Variants in ZNF728 observed in about 807,000 individuals in gnomAD.
ZNF728 encodes zinc finger protein 728.
ZNF728 carries 12 observed loss-of-function variants against 12.5 expected under a neutral mutation model. That is an observed-to-expected ratio of 0.96 (90% CI 0.61 to 1.55). The LOEUF (loss-of-function observed/expected upper bound fraction) is 1.55, where lower values mean the gene tolerates loss of function less well. Among genes scored for constraint, ZNF728 ranks in the 40% most tolerant of loss-of-function variants. The pLI is 0.00. For missense variants in ZNF728, 692 were observed against 719.2 expected, an observed-to-expected ratio of 0.96 and a Z score of 0.43; for synonymous variants, 205 against 240.7, an observed-to-expected ratio of 0.85 and a Z score of 1.37.
In ZNF728 at chr19:22,988,312, A is replaced by C. The variant is rs1968941321; in HGVS notation, c.130+13T>G. Reference sequence around the variant, plus strand: ...AGTGTATACTAGGAATTGCGTATTAAAGTTATTCTCACCCAGGAAGACCAG... The same window carrying C: ...AGTGTATACTAGGAATTGCGTATTACAGTTATTCTCACCCAGGAAGACCAG... On this transcript the variant is annotated intron_variant, in intron 2 of 3. Transcript: ENST00000594710. The C allele has an allele frequency of 3.7e-6, 6 of 1,613,980 alleles. No homozygotes were observed. Among genetic ancestry groups the C allele is most frequent in the Non-Finnish European group, 3.4e-6 (4 of 1,180,002 alleles).
intron 3 of ZNF728, among the ~76,000 whole-genome samples, chr19:22,980,205 A>C (rs527677451): frequency 6.8e-5 from 6 of 88,234 alleles, no homozygotes; most frequent in East Asian, 3.0e-4. Context: ...AAAGAAACAA[A>C]AAAAAAAAAA....
chr19:22,995,702 C>A (rs1969042652), intron 1 of ZNF728: 3 of 152,172 alleles, frequency 2.0e-5, no homozygotes, highest in Admixed American at 6.5e-5. Flanking sequence ...CTCCCAAAAT[C>A]CTGGGATTAG....
intron 1 of ZNF728, among the ~76,000 whole-genome samples, chr19:23,000,792 C>T (rs186175840): frequency 2.8e-5 from 4 of 142,734 alleles, no homozygotes; most frequent in East Asian, 4.4e-4. Flanking sequence ...CACTTGAACT[C>T]GTGATGCAGA....
At position 23,003,068 on chromosome 19, in the gene ZNF728, A is replaced by C. The variant is rs1599536474; in HGVS notation, c.-38T>G. On this transcript the variant is annotated 5_prime_UTR_variant, in exon 1 of 4. Coordinates refer to ENST00000594710, the MANE Select transcript of ZNF728 (RefSeq NM_001267716.2). ...GGGGGTCCTGGCGACTTAGTTGTGA[A>C]TCTCCCAATACCTGCAGGTCACAGG... The C allele has an allele frequency of 2.0e-5, 31 of 1,572,702 alleles. No homozygotes were observed. In the East Asian group the frequency reaches 7.3e-4, roughly 37 times the overall value.
Position 22,976,542 on chromosome 19 carries a change from G to A in ZNF728, c.795C>T (p.Phe265=). 1 of 1,611,614 alleles carries A rather than the reference G, an allele frequency of 6.2e-7. No homozygotes were observed. The highest frequency in any genetic ancestry group is 1.7e-4 in the Middle Eastern group (1 of 6,056). Reference sequence around the variant, plus strand: ...GTTCAATAAGGCTTGAGGACCGGGTGAAGGCTTTGCCACATTCTTCACATT... The same window carrying A: ...GTTCAATAAGGCTTGAGGACCGGGTAAAGGCTTTGCCACATTCTTCACATT... The part of the protein sequence containing the change: ...HYKCEECGKA[F]TRSSSLIEHK... Residue 265 remains phenylalanine (F), a synonymous_variant, in exon 4 of 4, where the codon TTC becomes TTT. Transcript: ENST00000594710.
chr19:22,988,450 C>T lies in ZNF728; in HGVS notation c.5G>A (p.Gly2Glu), dbSNP rs369142612. The change falls in exon 2 of 4, where the codon GGA becomes GAA. Residue 2 changes from glycine to glutamate, a missense_variant and splice_region_variant. By Grantham distance (98) the Gly-to-Glu change is moderately conservative. Coordinates refer to ENST00000594710, the MANE Select transcript of ZNF728 (RefSeq NM_001267716.2). M[G>E]SLTFRDVAIQ... ...GGCCACATCCCGAAATGTCAACGAT[C>T]CCTGGAAAACACACACAAACACACA... is the stretch of plus-strand genomic sequence containing the variant. 6 of 1,613,680 alleles carry T rather than the reference C, an allele frequency of 3.7e-6. No individual in the cohort carries two copies. Among genetic ancestry groups the T allele is most frequent in the South Asian group, 2.2e-5 (2 of 91,050 alleles).
At chr19:22,991,686 G>T (rs1371518605) in intron 1 of ZNF728, among the ~76,000 whole-genome samples, 1 of 152,154 alleles carries the variant, frequency 6.6e-6, no homozygotes, top group African/African-American at 2.4e-5. Context: ...AAGGCAACAG[G>T]ATTCATGACT....
At chr19:22,986,444 TTA>T (rs1968918114) in intron 3 of ZNF728, among the ~76,000 whole-genome samples, 1 of 152,106 alleles carries the variant, frequency 6.6e-6, no homozygotes, top group Non-Finnish European at 1.5e-5. Context: ...AACATATAAG[TTA>T]TGATTCCATA....
chr19:22,981,695 T>A (rs1414366946), intron 3 of ZNF728, among the ~76,000 whole-genome samples: 1 of 152,206 alleles, frequency 6.6e-6, no homozygotes, highest in Non-Finnish European at 1.5e-5. Context: ...CAAGTTGGCT[T>A]CATCCCTGGG....
At chr19:22,989,705 G>A (rs564402127) in intron 1 of ZNF728, among the ~76,000 whole-genome samples, 1 of 152,166 alleles carries the variant, frequency 6.6e-6, no homozygotes, top group South Asian at 2.1e-4. Context: ...GAAAGTTCAA[G>A]ATACAGATAT....
chr19:22,989,479 T>C (rs1171619192), intron 1 of ZNF728, among the ~76,000 whole-genome samples: 1 of 152,150 alleles, frequency 6.6e-6, no homozygotes, highest in Admixed American at 6.5e-5. Flanking sequence ...ATCAGCTGCA[T>C]AAAGATACTT....
intron 3 of ZNF728, among the ~76,000 whole-genome samples, chr19:22,980,541 T>A (rs289313): frequency 0.31 from 46,520 of 152,028 alleles, 9,228 homozygotes; most frequent in African/African-American, 0.57. Context: ...CTAACAGACA[T>A]CTACAGAACT....
rs572644446 is a variant in ZNF728, at chr19:22,993,436, T to G, written c.4-4985A>C. On this transcript the variant is annotated intron_variant, in intron 1 of 3. Coordinates refer to ENST00000594710, the MANE Select transcript of ZNF728 (RefSeq NM_001267716.2). ...AAAGGAGAGATTCCCTCATAGAGGC[T>G]GCTCTAGAACATTCTAAATAATATT... Among the ~76,000 whole-genome samples the G allele has an allele frequency of 2.0e-5, 3 of 152,356 alleles. No individual in the cohort carries two copies. In the South Asian group the frequency reaches 6.2e-4, roughly 32 times the overall value.
chr19:22,987,055 C>T (rs1468073677), intron 3 of ZNF728, among the ~76,000 whole-genome samples: 1 of 152,046 alleles, frequency 6.6e-6, no homozygotes, highest in Non-Finnish European at 1.5e-5. Flanking sequence ...CTCTTGTATG[C>T]CATGAACAGT....
intron 1 of ZNF728, among the ~76,000 whole-genome samples, chr19:22,991,586 TA>T (rs1459917351): frequency 6.6e-6 from 1 of 152,202 alleles, no homozygotes; most frequent in Non-Finnish European, 1.5e-5. Flanking sequence ...CTGGTTTTAA[TA>T]AAAAATTTGA....
At chr19:22,987,204 A>G in intron 3 of ZNF728, 104 bp downstream of exon 3, 1 of 1,065,462 alleles carries the variant, frequency 9.4e-7, no homozygotes, top group Non-Finnish European at 1.3e-6. Context: ...GGCTTTCCAG[A>G]AACTATTTCT....
chr19:23,000,678 G>A (rs1245977009), intron 1 of ZNF728, among the ~76,000 whole-genome samples: 1 of 151,550 alleles, frequency 6.6e-6, no homozygotes, highest in Admixed American at 6.6e-5. Context: ...AAACAGCCTG[G>A]TCAACATGGC....
chr19:22,993,268 T>C (rs1226678719), intron 1 of ZNF728, among the ~76,000 whole-genome samples: 1 of 152,224 alleles, frequency 6.6e-6, no homozygotes, highest in African/African-American at 2.4e-5. Context: ...ATGCCTCCTG[T>C]TGGTTTTCTG....
chr19:22,988,858 C>G (rs1407128264), intron 1 of ZNF728, among the ~76,000 whole-genome samples: 1 of 151,848 alleles, frequency 6.6e-6, no homozygotes, highest in East Asian at 1.9e-4. Context: ...TTTAGACCAG[C>G]CTGACCAACA....
Sources: allele counts gnomAD v4.1 joint callset (sites outside exome capture counted in the v4.1 genomes callset), GRCh38; gene constraint gnomAD v4.1.1; transcripts MANE v1.5; gene names NCBI Gene and HGNC (gene_info 2026-07-23, HGNC 2026-07-21).